RAD51B: variants seen among roughly 807,000 people sequenced by gnomAD.
The protein encoded by RAD51B is DNA repair protein RAD51 homolog 2.
In RAD51B, 38 loss-of-function variants were observed where a neutral mutation model predicts 42.2. That is an observed-to-expected ratio of 0.90 (90% CI 0.70 to 1.18). The LOEUF (loss-of-function observed/expected upper bound fraction) is 1.18. Among genes scored for constraint, RAD51B ranks in the 50% most tolerant of loss-of-function variants. RAD51B has a pLI of 0.00. For synonymous variants in RAD51B, 154 were observed against 145.2 expected, an observed-to-expected ratio of 1.06 and a Z score of -0.43; for missense variants, 373 against 400.7, an observed-to-expected ratio of 0.93 and a Z score of 0.59.
intron 7 of RAD51B, among the ~76,000 whole-genome samples, chr14:68,032,256 G>A (rs74412248): frequency 0.015 from 2,324 of 152,072 alleles, 51 homozygotes; most frequent in African/African-American, 0.052. Context: ...CCTTTCTAGT[G>A]GCTCCTAACC....
At chr14:68,581,797 T>G (rs1352566202) in intron 10 of RAD51B, among the ~76,000 whole-genome samples, 1 of 152,156 alleles carries the variant, frequency 6.6e-6, no homozygotes, top group Non-Finnish European at 1.5e-5. Context: ...ATGGTACTAG[T>G]ACCAAAACAG....
intron 6 of RAD51B, 47 bp downstream of exon 6, chr14:67,886,035 A>T (rs981992151): frequency 1.1e-5 from 16 of 1,397,750 alleles, no homozygotes; most frequent in Non-Finnish European, 1.5e-5. Flanking sequence ...TTGAAGGTTT[A>T]TGTTTTATCT....
chr14:68,187,152 A>G (rs988682589), intron 7 of RAD51B, among the ~76,000 whole-genome samples: 4 of 152,216 alleles, frequency 2.6e-5, no homozygotes, highest in African/African-American at 9.6e-5. Context: ...GAAGCTAAAC[A>G]TTAAGTACTC....
At chr14:68,270,812 A>AT (rs964305570) in intron 7 of RAD51B, among the ~76,000 whole-genome samples, 24 of 151,072 alleles carry the variant, frequency 1.6e-4, no homozygotes, top group African/African-American at 3.9e-4. Context: ...CTATGTGTGT[A>AT]TTTTTTTTTA....
intron 7 of RAD51B, among the ~76,000 whole-genome samples, chr14:67,914,845 G>GC (rs1372495813): frequency 6.6e-6 from 1 of 152,186 alleles, no homozygotes; most frequent in Admixed American, 6.5e-5. Context: ...CCCATCTGAA[G>GC]CTGAATAAGG....
chr14:68,183,002 G>A (rs1383276813), intron 7 of RAD51B, among the ~76,000 whole-genome samples: 1 of 152,112 alleles, frequency 6.6e-6, no homozygotes, highest in African/African-American at 2.4e-5. Context: ...TTTGATTTTA[G>A]TTTGGTTAAC....
At chr14:68,181,382 C>G (rs2079058400) in intron 7 of RAD51B, among the ~76,000 whole-genome samples, 1 of 152,140 alleles carries the variant, frequency 6.6e-6, no homozygotes, top group Admixed American at 6.5e-5. Flanking sequence ...ACTAATGCAC[C>G]CCAGGTGTGC....
chr14:68,570,854 G>A (rs1321095658), intron 10 of RAD51B, among the ~76,000 whole-genome samples: 1 of 150,064 alleles, frequency 6.7e-6, no homozygotes, highest in Non-Finnish European at 1.5e-5. Context: ...CAGGGGTCTT[G>A]GGCTCAAAGG....
At chr14:67,843,040 A>G (rs2041483473) in intron 4 of RAD51B, among the ~76,000 whole-genome samples, 1 of 152,060 alleles carries the variant, frequency 6.6e-6, no homozygotes, top group Non-Finnish European at 1.5e-5. Context: ...ATGATGTATT[A>G]ACTTTTTGAT....
chr14:67,826,627 G>A (rs1364644699), intron 3 of RAD51B, among the ~76,000 whole-genome samples: 1 of 151,936 alleles, frequency 6.6e-6, no homozygotes, highest in Non-Finnish European at 1.5e-5. Context: ...AGGAATGTTA[G>A]TGTCACTGGA....
At chr14:67,931,210 C>T (rs1237099848) in intron 7 of RAD51B, among the ~76,000 whole-genome samples, 4 of 151,906 alleles carry the variant, frequency 2.6e-5, no homozygotes, top group South Asian at 2.1e-4. Context: ...CGTGAGCCAC[C>T]GCGTCCTGCC....
At chr14:67,828,345 T>A (rs1330972166) in intron 3 of RAD51B, among the ~76,000 whole-genome samples, 2 of 151,500 alleles carry the variant, frequency 1.3e-5, no homozygotes, top group Non-Finnish European at 2.9e-5. Context: ...GTTGTTTGGT[T>A]TTTTTTTTCT....
chr14:68,528,444 C>A (rs1424839271), intron 10 of RAD51B, among the ~76,000 whole-genome samples: 1 of 152,174 alleles, frequency 6.6e-6, no homozygotes, highest in Non-Finnish European at 1.5e-5. Context: ...CTCAAGTACA[C>A]TTTAAAAGTT....
At chr14:68,203,193 C>T (rs1218261480) in intron 7 of RAD51B, among the ~76,000 whole-genome samples, 2 of 152,168 alleles carry the variant, frequency 1.3e-5, no homozygotes, top group Non-Finnish European at 2.9e-5. Flanking sequence ...CTATCTGTGG[C>T]AGCTATAACC....
intron 7 of RAD51B, chr14:68,130,112 T>C (rs2077855337): frequency 6.6e-6 from 1 of 152,234 alleles, no homozygotes; most frequent in African/African-American, 2.4e-5. Flanking sequence ...TATTGGCAGA[T>C]TTCATTCCTC....
chr14:68,063,827 T>C (rs61203226), intron 7 of RAD51B, among the ~76,000 whole-genome samples: 4,084 of 152,310 alleles, frequency 0.027, 188 homozygotes, highest in African/African-American at 0.093. Context: ...TTCCACCAGT[T>C]CATATCTTTT....
In RAD51B at chr14:67,985,450, C is replaced by T. The variant is rs144885419; in HGVS notation, c.756+98246C>T. Among the ~76,000 whole-genome samples, 568 of 152,264 alleles carry T rather than the reference C, an allele frequency of 3.7e-3. 2 individuals carry two copies. Among genetic ancestry groups the T allele is most frequent in the Middle Eastern group, 0.024 (7 of 294 alleles). On this transcript the variant is annotated intron_variant, in intron 7 of 10. Coordinates refer to ENST00000471583, the MANE Select transcript of RAD51B (RefSeq NM_133510.4). ...AATATACCATAATCTAACATAGAGT[C>T]CACATTCAAATTTTGCCTATTGTCC... is the stretch of plus-strand genomic sequence containing the variant.
At chr14:68,226,600 C>T (rs754497696) in intron 7 of RAD51B, among the ~76,000 whole-genome samples, 5 of 152,196 alleles carry the variant, frequency 3.3e-5, no homozygotes, top group Non-Finnish European at 7.3e-5. Context: ...CCGTGTAAGA[C>T]GTAACTTTGC....
rs1459666387 is a variant in RAD51B, at chr14:68,425,999, CCTTCCTTCCTTT to C, written c.957+14476_957+14487del. ...TTCTTCCTTCCTTCCTTCCTTCCTTCCTTCCTTCCTTTCTTTCTTTCTTTCTTTCTCTCTTTC... is the reference window on the plus strand; with the variant it reads ...TTCTTCCTTCCTTCCTTCCTTCCTTCCTTTCTTTCTTTCTTTCTCTCTTTC... On this transcript the variant is annotated intron_variant, in intron 9 of 10. Transcript: ENST00000471583. 9.3e-3 allele frequency among the ~76,000 whole-genome samples: 1,139 copies of C among 122,032 alleles called. 20 individuals carry two copies. Among genetic ancestry groups the C allele is most frequent in the African/African-American group, 0.043 (1,078 of 24,890 alleles). 80.1% of individuals were successfully genotyped at this position (122,032 alleles called of 152,430 possible).
Sources: gnomAD v4.1 joint callset for allele counts (sites outside exome capture counted in the v4.1 genomes callset) on GRCh38, gnomAD v4.1.1 for gene constraint, MANE v1.5 for transcripts, NCBI Gene and HGNC (gene_info 2026-07-23, HGNC 2026-07-21) for gene names.